Variants in CDIN1 observed in about 807,000 individuals in gnomAD.
CDIN1 encodes CDAN1 interacting nuclease 1.
A neutral mutation model predicts 45.3 loss-of-function variants in CDIN1; 33 were observed. That is an observed-to-expected ratio of 0.73 (90% CI 0.55 to 0.97). CDIN1 has a LOEUF of 0.97. Among genes scored for constraint, CDIN1 ranks in the 50% least tolerant of loss-of-function variants. CDIN1 has a pLI of 0.00. For synonymous variants in CDIN1, 118 were observed against 124.4 expected, an observed-to-expected ratio of 0.95 and a Z score of 0.34; for missense variants, 303 against 339.4, an observed-to-expected ratio of 0.89 and a Z score of 0.84.
At chr15:36,717,153 G>A (rs900118494) in intron 10 of CDIN1, among the ~76,000 whole-genome samples, 10 of 152,090 alleles carry the variant, frequency 6.6e-5, no homozygotes, top group Admixed American at 3.9e-4. Context: ...CCTATATTCT[G>A]TATTTTAAAA....
intron 10 of CDIN1, among the ~76,000 whole-genome samples, chr15:36,723,273 A>G (rs1156826314): frequency 6.6e-6 from 1 of 152,166 alleles, no homozygotes; most frequent in Non-Finnish European, 1.5e-5. Context: ...CCAAGTGATC[A>G]TAAGTTAAAA....
chr15:36,624,783 T>C (rs1351755428), intron 1 of CDIN1, among the ~76,000 whole-genome samples: 1 of 152,060 alleles, frequency 6.6e-6, no homozygotes, highest in East Asian at 1.9e-4. Flanking sequence ...TAACTGAGAA[T>C]TTATTTGGGA....
intron 10 of CDIN1, among the ~76,000 whole-genome samples, chr15:36,784,729 G>A (rs74008784): frequency 0.017 from 2,591 of 150,060 alleles, 66 homozygotes; most frequent in African/African-American, 0.063. Context: ...CTTTGGTCCT[G>A]CTTGCTAACT....
chr15:36,722,798 T>G (rs2043475030), intron 10 of CDIN1, among the ~76,000 whole-genome samples: 1 of 152,220 alleles, frequency 6.6e-6, no homozygotes, highest in African/African-American at 2.4e-5. Flanking sequence ...TGTCTCGTAC[T>G]CTTCTCATAA....
At chr15:36,651,342 A>G (rs750714545) in intron 3 of CDIN1, among the ~76,000 whole-genome samples, 55 of 152,218 alleles carry the variant, frequency 3.6e-4, no homozygotes, top group Non-Finnish European at 6.3e-4. Context: ...GAAAAGTGCA[A>G]TGCTATAAGT....
At chr15:36,750,259 C>T (rs2053424186) in intron 10 of CDIN1, among the ~76,000 whole-genome samples, 1 of 152,116 alleles carries the variant, frequency 6.6e-6, no homozygotes, top group Non-Finnish European at 1.5e-5. Context: ...TCATTCGTCC[C>T]ATGAAACAGT....
chr15:36,638,216 G>A (rs558797481), intron 1 of CDIN1, among the ~76,000 whole-genome samples: 2 of 152,134 alleles, frequency 1.3e-5, no homozygotes, highest in Non-Finnish European at 2.9e-5. Flanking sequence ...ATGTATATGT[G>A]TGTGTATATA....
At chr15:36,614,598 A>G (rs1426265832) in intron 1 of CDIN1, among the ~76,000 whole-genome samples, 1 of 151,998 alleles carries the variant, frequency 6.6e-6, no homozygotes, top group Non-Finnish European at 1.5e-5. Context: ...GTGACTTTTC[A>G]CCTTAATGCA....
At chr15:36,691,959 T>G (rs981907327) in intron 6 of CDIN1, among the ~76,000 whole-genome samples, 167 bp from the exon 7 acceptor site, 1 of 151,514 alleles carries the variant, frequency 6.6e-6, no homozygotes, top group Non-Finnish European at 1.5e-5. Context: ...ATAAAAAGCA[T>G]GCAATTTTTG....
intron 10 of CDIN1, among the ~76,000 whole-genome samples, chr15:36,793,325 C>G (rs1955276882): frequency 6.6e-6 from 1 of 152,106 alleles, no homozygotes; most frequent in Admixed American, 6.5e-5. Flanking sequence ...ATTCCTGGCC[C>G]TATTCTGCAG....
chr15:36,634,157 G>A (rs1182447703), intron 1 of CDIN1, among the ~76,000 whole-genome samples: 1 of 152,134 alleles, frequency 6.6e-6, no homozygotes, highest in African/African-American at 2.4e-5. Flanking sequence ...TTGGCTGGGT[G>A]TGGTGACTCA....
intron 1 of CDIN1, among the ~76,000 whole-genome samples, chr15:36,623,341 T>A (rs1021558139): frequency 2.6e-5 from 4 of 152,246 alleles, no homozygotes; most frequent in Non-Finnish European, 5.9e-5. Context: ...CTTGAGCATA[T>A]TCTTACTTGA....
At chr15:36,770,469 G>C (rs1230740622) in intron 10 of CDIN1, among the ~76,000 whole-genome samples, 1 of 151,892 alleles carries the variant, frequency 6.6e-6, no homozygotes, top group Non-Finnish European at 1.5e-5. Context: ...TATTATTGGA[G>C]ATAGGGTCTC....
chr15:36,715,177 C>T (rs948379766), intron 10 of CDIN1, among the ~76,000 whole-genome samples: 7 of 151,936 alleles, frequency 4.6e-5, no homozygotes, highest in Non-Finnish European at 7.3e-5. Flanking sequence ...ACCACGGAAA[C>T]GATTAAGAGC....
At chr15:36,697,721 T>A (rs138438952) in intron 8 of CDIN1, among the ~76,000 whole-genome samples, 140 of 152,350 alleles carry the variant, frequency 9.2e-4, no homozygotes, top group Middle Eastern at 3.4e-3. Flanking sequence ...TAAAATGTTT[T>A]ATATATTAAA....
At chr15:36,690,275 C>CT (rs555387863) in intron 5 of CDIN1, among the ~76,000 whole-genome samples, 1,621 of 146,142 alleles carry the variant, frequency 0.011, 10 homozygotes, top group Non-Finnish European at 0.017. Context: ...ACATTTTTTT[C>CT]TTTTTTTTTT....
intron 10 of CDIN1, among the ~76,000 whole-genome samples, chr15:36,737,965 C>T (rs1194046733): frequency 6.6e-6 from 1 of 152,192 alleles, no homozygotes; most frequent in Non-Finnish European, 1.5e-5. Context: ...TTACCGATGA[C>T]TCCTTGAAAC....
At chr15:36,713,838 G>A (rs1008537967) in intron 10 of CDIN1, among the ~76,000 whole-genome samples, 1 of 152,180 alleles carries the variant, frequency 6.6e-6, no homozygotes, top group Non-Finnish European at 1.5e-5. Context: ...TGGGTTTGAT[G>A]CGCCTCCTGC....
chr15:36,792,189 C>T (rs767875359), intron 10 of CDIN1, among the ~76,000 whole-genome samples: 32 of 152,234 alleles, frequency 2.1e-4, no homozygotes, highest in African/African-American at 6.0e-4. Flanking sequence ...GAAATCAAAC[C>T]GCAGCCCCAG....
Sources: gnomAD v4.1 joint callset for allele counts (sites outside exome capture counted in the v4.1 genomes callset) on GRCh38, gnomAD v4.1.1 for gene constraint, MANE v1.5 for transcripts, NCBI Gene and HGNC (gene_info 2026-07-23, HGNC 2026-07-21) for gene names.